The following ZFPM2 variants were observed in gnomAD, a reference collection of about 807,000 sequenced individuals.
ZFPM2 encodes the protein zinc finger protein ZFPM2.
ZFPM2 carries 20 observed loss-of-function variants against 98.6 expected under a neutral mutation model. That is an observed-to-expected ratio of 0.20 (90% CI 0.14 to 0.29). ZFPM2 has a LOEUF of 0.29. Among genes scored for constraint, ZFPM2 ranks in the 10% least tolerant of loss-of-function variants. The pLI is 1.00. For missense variants in ZFPM2, 1,310 were observed against 1,388.6 expected (o/e 0.94, Z 0.90); for synonymous variants, 518 against 502.7 (o/e 1.03, Z -0.41).
chr8:105,675,482 C>G (rs1236542047), intron 5 of ZFPM2, among the ~76,000 whole-genome samples: 1 of 152,176 alleles, frequency 6.6e-6, no homozygotes, highest in African/African-American at 2.4e-5. Context: ...GTGGATAAAT[C>G]TAGCTTTAAT....
intron 5 of ZFPM2, among the ~76,000 whole-genome samples, chr8:105,662,073 G>C (rs1817400609): frequency 6.6e-6 from 1 of 152,124 alleles, no homozygotes; most frequent in Non-Finnish European, 1.5e-5. Flanking sequence ...TCCAGCACTT[G>C]TAAGAAATAA....
At chr8:105,668,763 C>T (rs1159158593) in intron 5 of ZFPM2, among the ~76,000 whole-genome samples, 1 of 152,114 alleles carries the variant, frequency 6.6e-6, no homozygotes, top group East Asian at 1.9e-4. Context: ...TTTCTTATTA[C>T]AGAATATTGC....
intron 5 of ZFPM2, among the ~76,000 whole-genome samples, chr8:105,733,602 A>G (rs186926320): frequency 2.0e-5 from 3 of 152,020 alleles, no homozygotes; most frequent in Admixed American, 6.6e-5. Flanking sequence ...CTTAGAATCT[A>G]CTGTTTACAG....
At chr8:105,795,959 G>A in intron 6 of ZFPM2, 1 of 212,194 alleles carries the variant, frequency 4.7e-6, no homozygotes, top group Non-Finnish European at 9.7e-6. Context: ...TCTGAATGAG[G>A]CAAAAGAGAA....
intron 6 of ZFPM2, among the ~76,000 whole-genome samples, chr8:105,791,853 T>G (rs1201279621): frequency 2.6e-5 from 4 of 152,234 alleles, no homozygotes; most frequent in African/African-American, 9.6e-5. Context: ...ATCCATTTCT[T>G]CTAGATTTTC....
chr8:105,480,006 C>T (rs1236541623), intron 3 of ZFPM2, among the ~76,000 whole-genome samples: 2 of 152,158 alleles, frequency 1.3e-5, no homozygotes, highest in East Asian at 1.9e-4. Context: ...TTGAACTCCC[C>T]GTTGAGCATC....
intron 3 of ZFPM2, among the ~76,000 whole-genome samples, chr8:105,469,801 G>T (rs925485516): frequency 6.6e-6 from 1 of 152,130 alleles, no homozygotes; most frequent in African/African-American, 2.4e-5. Flanking sequence ...CCCATGTTTT[G>T]TGCATGGGTT....
chr8:105,787,835 A>G (rs1813465293), intron 5 of ZFPM2, among the ~76,000 whole-genome samples: 1 of 152,134 alleles, frequency 6.6e-6, no homozygotes, highest in South Asian at 2.1e-4. Flanking sequence ...ATAACAAAAT[A>G]TAAGTGCTTT....
chr8:105,674,495 G>A (rs1156395648), intron 5 of ZFPM2, among the ~76,000 whole-genome samples: 2 of 152,178 alleles, frequency 1.3e-5, no homozygotes, highest in African/African-American at 2.4e-5. Context: ...GTTTTTAGTG[G>A]TAAAGAGGAA....
At chr8:105,685,380 CCAG>C (rs1442279968) in intron 5 of ZFPM2, among the ~76,000 whole-genome samples, 2 of 151,994 alleles carry the variant, frequency 1.3e-5, no homozygotes, top group African/African-American at 2.4e-5. Context: ...GAAAATAAAA[CCAG>C]CAAGGGGACC....
chr8:105,696,283 C>G (rs771647437), intron 5 of ZFPM2, among the ~76,000 whole-genome samples: 8 of 152,106 alleles, frequency 5.3e-5, no homozygotes, highest in Non-Finnish European at 1.2e-4. Flanking sequence ...AATTGCCTAC[C>G]AAATCGAGTA....
chr8:105,743,976 T>C (rs1457171607), intron 5 of ZFPM2, among the ~76,000 whole-genome samples: 1 of 152,124 alleles, frequency 6.6e-6, no homozygotes, highest in Non-Finnish European at 1.5e-5. Context: ...TATTTGAAAG[T>C]GCCTGTGTAC....
At chr8:105,464,465 T>C (rs1267026141) in intron 3 of ZFPM2, among the ~76,000 whole-genome samples, 5 of 151,988 alleles carry the variant, frequency 3.3e-5, no homozygotes, top group Admixed American at 2.6e-4. Flanking sequence ...AAGACATTTT[T>C]TACAGTTTTC....
chr8:105,479,935 T>G (rs1813083626), intron 3 of ZFPM2, among the ~76,000 whole-genome samples: 1 of 152,220 alleles, frequency 6.6e-6, no homozygotes, highest in Non-Finnish European at 1.5e-5. Context: ...AGTATTTTTC[T>G]GTTTCAATGC....
chr8:105,555,974 C>T (rs111263414), intron 3 of ZFPM2, among the ~76,000 whole-genome samples: 34 of 152,204 alleles, frequency 2.2e-4, no homozygotes, highest in African/African-American at 6.7e-4. Flanking sequence ...AGCAGTAGAA[C>T]GCAAGAGTCA....
intron 5 of ZFPM2, among the ~76,000 whole-genome samples, chr8:105,745,095 T>C (rs1201716355): frequency 6.6e-6 from 1 of 152,144 alleles, no homozygotes; most frequent in Non-Finnish European, 1.5e-5. Context: ...ATCTCAGCTC[T>C]GTAGCTTTTA....
At chr8:105,731,633 A>G (rs1266896897) in intron 5 of ZFPM2, among the ~76,000 whole-genome samples, 1 of 151,704 alleles carries the variant, frequency 6.6e-6, no homozygotes, top group Admixed American at 6.6e-5. Context: ...TAGAAAGTTT[A>G]TAATATAGAG....
intron 3 of ZFPM2, among the ~76,000 whole-genome samples, chr8:105,514,453 C>T (rs192143207): frequency 1.1e-3 from 169 of 152,018 alleles, no homozygotes; most frequent in Admixed American, 8.9e-3. Flanking sequence ...AGCATCAGTC[C>T]CACTTGTAGC....
intron 3 of ZFPM2, among the ~76,000 whole-genome samples, chr8:105,464,949 T>TAAAAAAA (rs77152118): frequency 1.3e-4 from 16 of 125,636 alleles, no homozygotes; most frequent in African/African-American, 4.6e-4. Flanking sequence ...TTGAAAATGC[T>TAAAAAAA]AAAAAAAAAA....
Sources: allele counts gnomAD v4.1 joint callset (sites outside exome capture counted in the v4.1 genomes callset), GRCh38; gene constraint gnomAD v4.1.1; transcripts MANE v1.5; gene names NCBI Gene and HGNC (gene_info 2026-07-23, HGNC 2026-07-21).